CMAS: variants seen among roughly 807,000 people sequenced by gnomAD.
CMAS encodes the protein N-acylneuraminate cytidylyltransferase.
A neutral mutation model predicts 53.4 loss-of-function variants in CMAS; 21 were observed. The ratio of observed to expected loss-of-function variants is 0.39; its 90% CI spans 0.28 to 0.57. CMAS has a LOEUF of 0.57. Ranked by LOEUF, CMAS falls within the 20% of genes least tolerant of loss-of-function variation. The pLI is 0.56. For missense variants in CMAS, 384 were observed against 534.9 expected, an observed-to-expected ratio of 0.72 and a Z score of 2.78; for synonymous variants, 189 against 195.2, an observed-to-expected ratio of 0.97 and a Z score of 0.27.
intron 3 of CMAS, among the ~76,000 whole-genome samples, chr12:22,056,736 C>G (rs566957417): frequency 2.2e-4 from 33 of 152,170 alleles, no homozygotes; most frequent in Non-Finnish European, 4.3e-4. Flanking sequence ...GTGGTTCCTA[C>G]AGATGACAAT....
At position 22,061,422 on chromosome 12, in the gene CMAS, G is replaced by A. The variant is rs1473569866; in HGVS notation, c.930G>A (p.Gly310=). Residue 310 remains glycine (G), a synonymous_variant, in exon 6 of 8, where the codon GGG becomes GGA. Transcript: ENST00000229329. ...CTTATGATGTAAAAGATGCTATTGG[G>A]ATAAGTTTATTAAAGAAAAGTGGTA... ...IISYDVKDAI[G]ISLLKKSGIE... 1.3e-6 allele frequency: 2 copies of A among 1,597,922 alleles called. No individual in the cohort carries two copies. Among genetic ancestry groups the A allele is most frequent in the African/African-American group, 1.4e-5 (1 of 74,010 alleles).
At position 22,055,211 on chromosome 12, in the gene CMAS, T is replaced by G. The variant is rs1444153595; in HGVS notation, c.323T>G (p.Val108Gly). Residue 108 changes from valine (V) to glycine (G), a missense_variant, in exon 2 of 8, where the codon GTT (valine) becomes GGT (glycine). This residue lies in a region of CMAS where 139 missense variants were observed against 248.0 expected (regional missense o/e 0.56). Transcript: ENST00000229329. ...ENVAKQFGAQVHRRSSEVSKD... is the reference protein window; with the variant it reads ...ENVAKQFGAQGHRRSSEVSKD... Reference sequence around the variant, plus strand: ...GTGGCCAAACAATTTGGTGCACAAGTTCATCGAAGAAGTTCTGAAGTTTCA... The same window carrying G: ...GTGGCCAAACAATTTGGTGCACAAGGTCATCGAAGAAGTTCTGAAGTTTCA... The G allele has an allele frequency of 6.2e-7, 1 of 1,612,996 alleles. No individual in the cohort carries two copies. The highest frequency in any genetic ancestry group is 8.5e-7 in the Non-Finnish European group (1 of 1,179,246).
chr12:22,055,442 T>A lies in CMAS; in HGVS notation c.404-13T>A. 2 of 1,568,190 alleles carry A rather than the reference T, an allele frequency of 1.3e-6. No homozygotes were observed. The highest frequency in any genetic ancestry group is 1.7e-6 in the Non-Finnish European group (2 of 1,163,318). On this transcript the variant is annotated splice_polypyrimidine_tract_variant and intron_variant, in intron 2 of 7. Coordinates refer to ENST00000229329, the MANE Select transcript of CMAS (RefSeq NM_018686.6). ...TTTTTAAATATCCTTTTCATTTCTC[T>A]TGTCTTTTTAAGAGGTTGACATTGT...
In CMAS at chr12:22,051,913, C is replaced by T. The variant is rs543349425; in HGVS notation, c.261-3236C>T. The stretch of plus-strand genomic sequence containing the variant: ...CTGTAGTAAATGGTTTATATTTAAT[C>T]CTCTAAACCATATGAGGTACCCACT... On this transcript the variant is annotated intron_variant, in intron 1 of 7. Coordinates refer to ENST00000229329, the MANE Select transcript of CMAS (RefSeq NM_018686.6). 5.4e-3 allele frequency among the ~76,000 whole-genome samples: 814 copies of T among 152,144 alleles called. 11 individuals carry two copies. Among genetic ancestry groups the T allele is most frequent in the African/African-American group, 0.019 (782 of 41,508 alleles).
At chr12:22,058,149 G>A (rs1950281209) in intron 3 of CMAS, among the ~76,000 whole-genome samples, 1 of 151,328 alleles carries the variant, frequency 6.6e-6, no homozygotes, top group Non-Finnish European at 1.5e-5. Context: ...TTATCAGGCC[G>A]GGTGCAGTGC....
In CMAS at chr12:22,058,714, T is replaced by C; in HGVS notation, c.693+14T>C. The C allele has an allele frequency of 6.2e-7, 1 of 1,611,468 alleles. No homozygotes were observed. Among genetic ancestry groups the C allele is most frequent in the Non-Finnish European group, 8.5e-7 (1 of 1,178,866 alleles). ...GGTTACTTGCAGGTTTGTACCTTCA[T>C]TTTGCATAACCCTTTTAAGCGCTTT... On this transcript the variant is annotated intron_variant, in intron 4 of 7. Coordinates refer to ENST00000229329, the MANE Select transcript of CMAS (RefSeq NM_018686.6).
At chr12:22,057,445 G>A (rs1017004848) in intron 3 of CMAS, among the ~76,000 whole-genome samples, 1 of 151,906 alleles carries the variant, frequency 6.6e-6, no homozygotes, top group African/African-American at 2.4e-5. Flanking sequence ...TTTAACTAAT[G>A]GTAAGAATGT....
intron 1 of CMAS, among the ~76,000 whole-genome samples, chr12:22,047,576 T>C (rs1950214620): frequency 6.6e-6 from 1 of 152,152 alleles, no homozygotes; most frequent in Non-Finnish European, 1.5e-5. Flanking sequence ...CAAAAAAGTA[T>C]AAATATACTA....
chr12:22,060,625 G>T (rs1950303017), intron 4 of CMAS: 1 of 425,590 alleles, frequency 2.3e-6, no homozygotes, highest in Non-Finnish European at 4.3e-6. Flanking sequence ...TTGCACTCCA[G>T]CCTGGGAGGC....
intron 3 of CMAS, among the ~76,000 whole-genome samples, chr12:22,055,961 C>T (rs1950265413): frequency 6.6e-6 from 1 of 152,120 alleles, no homozygotes. Context: ...AGAAAGCATC[C>T]ACCAAAGTGT....
At chr12:22,057,768 A>T (rs1950277357) in intron 3 of CMAS, among the ~76,000 whole-genome samples, 1 of 152,024 alleles carries the variant, frequency 6.6e-6, no homozygotes, top group African/African-American at 2.4e-5. Context: ...TCTAGTAGCT[A>T]TTGGAAAGCA....
chr12:22,046,521 G>T lies in CMAS; in HGVS notation c.218G>T (p.Gly73Val). 6.2e-7 allele frequency: 1 copy of T among 1,602,762 alleles called. No individual in the cohort carries two copies. Among genetic ancestry groups the T allele is most frequent in the Non-Finnish European group, 8.5e-7 (1 of 1,175,684 alleles). ...CACCTGGCGGGGGTCCCGCTCATTG[G>T]CTGGGTCCTGCGTGCGGCCCTGGAT... ...IKHLAGVPLI[G>V]WVLRAALDSG... The change falls in exon 1 of 8, where the codon GGC (glycine) becomes GTC (valine). Residue 73 changes from glycine (G) to valine (V), a missense_variant. Gly to Val is a moderately radical substitution (Grantham distance 109, BLOSUM62 -3). This residue lies in a region of CMAS where 111 missense variants were observed against 132.2 expected (regional missense o/e 0.84). Transcript: ENST00000229329.
At chr12:22,064,488 A>G (rs924030002) in intron 7 of CMAS, among the ~76,000 whole-genome samples, 7 of 152,148 alleles carry the variant, frequency 4.6e-5, no homozygotes, top group South Asian at 2.1e-4. Flanking sequence ...CCTGATTCAA[A>G]TAAGTCAGCT....
intron 1 of CMAS, among the ~76,000 whole-genome samples, 193 bp downstream of exon 1, chr12:22,046,756 G>C (rs1390165929): frequency 6.6e-6 from 1 of 152,188 alleles, no homozygotes; most frequent in African/African-American, 2.4e-5. Context: ...CTCCTTCCTT[G>C]TTCCGTAGCT....
chr12:22,060,945 T>G lies in CMAS; in HGVS notation c.788+19T>G. On this transcript the variant is annotated intron_variant, in intron 5 of 7. Coordinates refer to ENST00000229329, the MANE Select transcript of CMAS (RefSeq NM_018686.6). ...TATTAAGGTAAAAACAAATAAACCT[T>G]TATAACCTTTGTACTAAATCTTAAT... 1 of 1,353,406 alleles carries G rather than the reference T, an allele frequency of 7.4e-7. No individual in the cohort carries two copies. The highest frequency in any genetic ancestry group is 1.1e-6 in the Non-Finnish European group (1 of 943,836). The allele number at this position is 1,353,406 out of a possible 1,614,324, so 83.8% of individuals were successfully genotyped here. A position where few individuals can be genotyped will look rare whatever the true frequency, so the allele number is the denominator to read the frequency against.
At chr12:22,062,537 T>C (rs1950315609) in intron 7 of CMAS, 103 bp downstream of exon 7, 3 of 1,144,848 alleles carry the variant, frequency 2.6e-6, no homozygotes, top group Non-Finnish European at 3.8e-6. Flanking sequence ...GGTATGATTG[T>C]AGGGAAATAG....
intron 7 of CMAS, chr12:22,064,036 G>GTAAA (rs1470225470): frequency 2.6e-5 from 4 of 151,938 alleles, no homozygotes; most frequent in African/African-American, 9.7e-5. Context: ...GTAAAATTTA[G>GTAAA]TAAATAGAGC....
At chr12:22,053,246 G>A (rs1452660264) in intron 1 of CMAS, among the ~76,000 whole-genome samples, 1 of 151,804 alleles carries the variant, frequency 6.6e-6, no homozygotes, top group African/African-American at 2.4e-5. Flanking sequence ...AGCAGATAAT[G>A]GGCCACTGTA....
chr12:22,064,781 G>A (rs1210542402), intron 7 of CMAS, among the ~76,000 whole-genome samples: 2 of 151,978 alleles, frequency 1.3e-5, no homozygotes, highest in East Asian at 1.9e-4. Context: ...TGGGGTTCTC[G>A]CATATGTTTG....
Sources: allele counts gnomAD v4.1 joint callset (sites outside exome capture counted in the v4.1 genomes callset), GRCh38; gene constraint gnomAD v4.1.1; regional missense constraint gnomAD v4.1.1; transcripts MANE v1.5; gene names NCBI Gene and HGNC (gene_info 2026-07-23, HGNC 2026-07-21).